The following ARHGAP44 variants were observed in gnomAD, a reference collection of about 807,000 sequenced individuals.
ARHGAP44 encodes the protein Rho GTPase activating protein 44, also known as rho GTPase-activating protein 44.
In ARHGAP44, 43 loss-of-function variants were observed where a neutral mutation model predicts 106.8. The ratio of observed to expected loss-of-function variants is 0.40; its 90% CI spans 0.32 to 0.52. The LOEUF is 0.52. ARHGAP44 is among the 20% of genes least tolerant of loss of function. ARHGAP44 has a pLI of 0.48. For missense variants in ARHGAP44, 866 were observed against 1,050.5 expected, an observed-to-expected ratio of 0.82 and a Z score of 2.43; for synonymous variants, 439 against 410.3, an observed-to-expected ratio of 1.07 and a Z score of -0.85.
chr17:12,842,127 G>A (rs574432587), intron 1 of ARHGAP44, among the ~76,000 whole-genome samples: 16 of 149,306 alleles, frequency 1.1e-4, no homozygotes, highest in Admixed American at 2.0e-4. Flanking sequence ...ATTGGTCTGC[G>A]ACACACCTGG....
intron 1 of ARHGAP44, among the ~76,000 whole-genome samples, chr17:12,832,359 G>A (rs913740914): frequency 1.3e-5 from 2 of 152,128 alleles, no homozygotes; most frequent in Admixed American, 6.6e-5. Context: ...GATCTGGGTG[G>A]TGCCAGCTGA....
intron 16 of ARHGAP44, among the ~76,000 whole-genome samples, chr17:12,961,853 C>G (rs1479784940): frequency 1.3e-5 from 2 of 152,102 alleles, no homozygotes; most frequent in Non-Finnish European, 2.9e-5. Flanking sequence ...TGTAGAAGAT[C>G]AGTTCTTACC....
rs113692195 is a variant in ARHGAP44 at position 12,958,482 on chromosome 17, CTT to C, written c.1343-223_1343-222del. On this transcript the variant is annotated intron_variant, in intron 15 of 20. Coordinates refer to ENST00000379672, the MANE Select transcript of ARHGAP44 (RefSeq NM_014859.6). The surrounding 1 kb of genome is among the most constrained non-coding windows in gnomAD (Gnocchi z 4.1). ...AAGTATCCGTTCCTGTTTTTACAAA[CTT>C]TTTTTTTTTTTCACAAATTGACATT... 2.8e-3 allele frequency among the ~76,000 whole-genome samples: 407 copies of C among 146,276 alleles called. No homozygotes were observed. Among genetic ancestry groups the C allele is most frequent in the African/African-American group, 9.7e-3 (388 of 40,154 alleles).
intron 1 of ARHGAP44, among the ~76,000 whole-genome samples, chr17:12,811,734 C>G (rs2034447480): frequency 2.0e-5 from 3 of 152,178 alleles, no homozygotes. Flanking sequence ...AGTATTGGAA[C>G]AGGCATACCT....
Position 12,821,142 on chromosome 17 carries a change from A to G in ARHGAP44, c.53+31251A>G, listed in dbSNP as rs114193395. 5.1e-3 allele frequency among the ~76,000 whole-genome samples: 775 copies of G among 152,318 alleles called. 8 individuals are homozygous for G. The highest frequency in any genetic ancestry group is 0.017 in the African/African-American group (715 of 41,576). The stretch of plus-strand genomic sequence containing the variant: ...TAAGTCAGAAGAGGTGACATTATAG[A>G]CTAGCAGAAGGCACTGGCCAAATCT... On this transcript the variant is annotated intron_variant, in intron 1 of 20. Coordinates refer to ENST00000379672, the MANE Select transcript of ARHGAP44 (RefSeq NM_014859.6).
intron 1 of ARHGAP44, among the ~76,000 whole-genome samples, chr17:12,824,372 A>G (rs2034859520): frequency 1.3e-5 from 2 of 152,096 alleles, no homozygotes; most frequent in Admixed American, 1.3e-4. Flanking sequence ...GCAAAAGTGG[A>G]AGCAGGGAAA....
intron 1 of ARHGAP44, among the ~76,000 whole-genome samples, chr17:12,834,583 T>A (rs985432822): frequency 6.6e-6 from 1 of 152,196 alleles, no homozygotes; most frequent in African/African-American, 2.4e-5. Context: ...AAGTGTTTGT[T>A]ATATCTTCCA....
At chr17:12,861,166 T>C (rs1281381357) in intron 1 of ARHGAP44, among the ~76,000 whole-genome samples, 1 of 152,102 alleles carries the variant, frequency 6.6e-6, no homozygotes, top group Non-Finnish European at 1.5e-5. Flanking sequence ...AATTTTTGTA[T>C]GTTTATAGAG....
chr17:12,795,543 A>T (rs1208638470), intron 1 of ARHGAP44, among the ~76,000 whole-genome samples: 2 of 151,062 alleles, frequency 1.3e-5, no homozygotes, highest in African/African-American at 2.4e-5. Flanking sequence ...TTTTTTAATG[A>T]TGGGCAATAA....
intron 1 of ARHGAP44, among the ~76,000 whole-genome samples, chr17:12,817,287 A>C (rs1016190301): frequency 2.6e-5 from 4 of 152,216 alleles, no homozygotes; most frequent in South Asian, 4.1e-4. Context: ...AATAGCATTA[A>C]ATGCTTAATT....
chr17:12,863,874 A>G (rs995324641), intron 1 of ARHGAP44, among the ~76,000 whole-genome samples: 3 of 152,206 alleles, frequency 2.0e-5, no homozygotes, highest in Non-Finnish European at 4.4e-5. Flanking sequence ...ATGGGCTTAA[A>G]TGCTGGGGCT....
intron 1 of ARHGAP44, among the ~76,000 whole-genome samples, chr17:12,815,106 CT>C (rs2150785966): frequency 6.6e-6 from 1 of 151,798 alleles, no homozygotes; most frequent in South Asian, 2.1e-4. Flanking sequence ...GACAAAAGGA[CT>C]CTGCTGCAGG....
At chr17:12,912,420 A>G (rs1342405185) in intron 4 of ARHGAP44, among the ~76,000 whole-genome samples, 1 of 152,160 alleles carries the variant, frequency 6.6e-6, no homozygotes, top group African/African-American at 2.4e-5. Context: ...AGAAAATTTT[A>G]GAAAATTAGA....
intron 1 of ARHGAP44, among the ~76,000 whole-genome samples, chr17:12,837,081 G>A (rs1261417829): frequency 1.3e-5 from 2 of 152,134 alleles, no homozygotes; most frequent in Non-Finnish European, 2.9e-5. Context: ...TGTGCTCTCT[G>A]ACTCTAATGG....
intron 1 of ARHGAP44, among the ~76,000 whole-genome samples, chr17:12,885,330 T>G (rs1194670940): frequency 2.2e-5 from 3 of 136,096 alleles, no homozygotes; most frequent in Admixed American, 2.0e-4. Context: ...AGTAGGTGTG[T>G]GTGTGTGTGT....
intron 1 of ARHGAP44, among the ~76,000 whole-genome samples, chr17:12,845,524 A>AAG (rs1432341866): frequency 7.5e-6 from 1 of 133,176 alleles, no homozygotes; most frequent in African/African-American, 3.3e-5. Flanking sequence ...AAAAAAAAAC[A>AAG]AAAAAACAAC....
chr17:12,892,093 G>A (rs1433339457), intron 1 of ARHGAP44, among the ~76,000 whole-genome samples: 1 of 152,176 alleles, frequency 6.6e-6, no homozygotes, highest in Non-Finnish European at 1.5e-5. Context: ...CCCAGCCTTT[G>A]GGTTGTTTTT....
intron 4 of ARHGAP44, among the ~76,000 whole-genome samples, chr17:12,912,897 G>A (rs967205855): frequency 2.6e-5 from 4 of 152,154 alleles, no homozygotes; most frequent in African/African-American, 9.7e-5. Context: ...TTCTTTCTCA[G>A]CAAGCTAAAG....
In ARHGAP44 at chr17:12,984,698, G is replaced by C; in HGVS notation, c.2107G>C (p.Gly703Arg). 6.2e-7 allele frequency: 1 copy of C among 1,613,664 alleles called. No homozygotes were observed. The highest frequency in any genetic ancestry group is 2.2e-5 in the East Asian group (1 of 44,852). Residue 703 changes from glycine (G) to arginine (R), a missense_variant, in exon 20 of 21, where the codon GGC (glycine) becomes CGC (arginine). Around this residue, in one of 2 missense-constraint regions of ARHGAP44, gnomAD observed 418 missense variants for 403.6 expected, o/e 1.04. Transcript: ENST00000379672. ...CCCTCAGGGGTACTCCTTGGCCTCG[G>C]GCCAGCTCTCCCCAGCTGCAGCTCC... ...SYPQGYSLASGQLSPAAAPPL... is the reference protein window; with the variant it reads ...SYPQGYSLASRQLSPAAAPPL...
Sources: allele counts gnomAD v4.1 joint callset (sites outside exome capture counted in the v4.1 genomes callset), GRCh38; gene constraint gnomAD v4.1.1; regional missense constraint gnomAD v4.1.1; non-coding constraint Gnocchi (gnomAD v3.1); transcripts MANE v1.5; gene names NCBI Gene and HGNC (gene_info 2026-07-23, HGNC 2026-07-21).